The following COL12A1 variants were observed in gnomAD, a reference collection of about 807,000 sequenced individuals.
The protein encoded by COL12A1 is collagen type XII alpha 1 chain, also known as collagen alpha-1(XII) chain.
A neutral mutation model predicts 349.7 loss-of-function variants in COL12A1; 114 were observed. That is an observed-to-expected ratio of 0.33 (90% CI 0.28 to 0.38). The LOEUF (loss-of-function observed/expected upper bound fraction) is 0.38. Ranked by LOEUF, COL12A1 falls within the 10% of genes least tolerant of loss-of-function variation. The probability of loss-of-function intolerance (pLI) is 1.00; values close to 1 mark genes in which losing one functional copy is unlikely to be tolerated. For missense variants in COL12A1, 3,284 were observed against 3,756.9 expected, an observed-to-expected ratio of 0.87 and a Z score of 3.29; for synonymous variants, 1,369 against 1,329.0, an observed-to-expected ratio of 1.03 and a Z score of -0.66.
At chr6:75,165,368 T>C in intron 14 of COL12A1, 139 bp downstream of exon 14, 1 of 1,196,902 alleles carries the variant, frequency 8.4e-7, no homozygotes, top group Non-Finnish European at 1.2e-6. Flanking sequence ...TAAGCCAAAT[T>C]CTTTAAAGAT....
intron 46 of COL12A1, among the ~76,000 whole-genome samples, chr6:75,118,198 C>T (rs962985005): frequency 2.6e-5 from 4 of 151,864 alleles, no homozygotes; most frequent in Non-Finnish European, 4.4e-5. Context: ...TTAAATCTAC[C>T]AGGAGTCACA....
intron 1 of COL12A1, among the ~76,000 whole-genome samples, chr6:75,205,406 C>T (rs778708058): frequency 1.3e-5 from 2 of 151,874 alleles, no homozygotes; most frequent in South Asian, 2.1e-4. Context: ...CTGCCCTCCC[C>T]GACAAAGCCA....
chr6:75,176,343 T>C (rs567280389), intron 12 of COL12A1, among the ~76,000 whole-genome samples: 1 of 114,386 alleles, frequency 8.7e-6, no homozygotes, highest in East Asian at 2.5e-4. Flanking sequence ...AGTGATGCAG[T>C]GGGAGGAGGG....
intron 58 of COL12A1, 60 bp downstream of exon 58, chr6:75,101,540 T>C (rs188182863): frequency 6.5e-7 from 1 of 1,531,806 alleles, no homozygotes; most frequent in East Asian, 2.3e-5. Flanking sequence ...GGTTCTTAAT[T>C]AATAGGCAAC....
chr6:75,135,735 G>T (rs375348933), intron 31 of COL12A1, among the ~76,000 whole-genome samples: 1 of 152,054 alleles, frequency 6.6e-6, no homozygotes, highest in African/African-American at 2.4e-5. Context: ...AGTGAATCAC[G>T]GTCATCATCC....
At chr6:75,148,608 T>G (rs1767322199) in intron 21 of COL12A1, 111 bp from the exon 22 acceptor site, 1 of 883,824 alleles carries the variant, frequency 1.1e-6, no homozygotes. Context: ...TTTCACACAC[T>G]TCTTTTCACA....
At chr6:75,091,136 G>C (rs968946844) in intron 62 of COL12A1, among the ~76,000 whole-genome samples, 187 bp downstream of exon 62, 18 of 152,050 alleles carry the variant, frequency 1.2e-4, no homozygotes, top group Admixed American at 1.1e-3. Context: ...TTTTATCTTA[G>C]TGACAATCTT....
intron 44 of COL12A1, among the ~76,000 whole-genome samples, chr6:75,119,805 C>T (rs1174601308): frequency 6.6e-6 from 1 of 152,078 alleles, no homozygotes; most frequent in African/African-American, 2.4e-5. Context: ...GAGAACATAC[C>T]ATCTCGAATC....
intron 47 of COL12A1, 40 bp downstream of exon 47, chr6:75,117,342 G>A (rs1385338722): frequency 1.3e-6 from 2 of 1,597,236 alleles, no homozygotes; most frequent in Admixed American, 1.7e-5. Flanking sequence ...TTGTTTTTCA[G>A]AATAAGTGAG....
chr6:75,161,894 C>A (rs962875994), intron 14 of COL12A1, among the ~76,000 whole-genome samples: 1 of 152,118 alleles, frequency 6.6e-6, no homozygotes, highest in African/African-American at 2.4e-5. Context: ...AGTGAACTCC[C>A]ATTCACAATT....
intron 2 of COL12A1, among the ~76,000 whole-genome samples, chr6:75,201,840 C>T (rs1289510871): frequency 6.6e-6 from 1 of 152,018 alleles, no homozygotes; most frequent in African/African-American, 2.4e-5. Flanking sequence ...CAAAAGCCCT[C>T]CATTTTCTAG....
chr6:75,161,118 G>A (rs1263168398), intron 14 of COL12A1, among the ~76,000 whole-genome samples: 2 of 151,950 alleles, frequency 1.3e-5, no homozygotes, highest in Non-Finnish European at 2.9e-5. Flanking sequence ...CCACGTGGAC[G>A]CACCAGCTCA....
rs201139729 is a variant in COL12A1, at chr6:75,125,143, T to C, written c.6591A>G (p.Thr2197=). The part of the protein sequence containing the change: ...QYDSGLSVPL[T]DQGTTLYLNV... ...ATGACTCACATGTAGTGCCTTGATC[T>C]GTCAAGGGGACACTGAGTCCAGAAT... The change falls in exon 40 of 66, where the codon ACA becomes ACG. Residue 2197 remains threonine (T), a synonymous_variant. Transcript: ENST00000322507. 3.1e-6 allele frequency: 5 copies of C among 1,600,644 alleles called. No homozygotes were observed. The highest frequency in any genetic ancestry group is 1.7e-4 in the Middle Eastern group (1 of 6,054).
rs542676031 is a variant in COL12A1, at chr6:75,148,504, A to G, written c.4148-7T>C. 3.7e-6 allele frequency: 6 copies of G among 1,611,102 alleles called. No individual in the cohort carries two copies. The African/African-American group carries it at 5.3e-5, about 14-fold the overall frequency. On this transcript the variant is annotated splice_polypyrimidine_tract_variant and splice_region_variant and intron_variant, in intron 21 of 65. Transcript: ENST00000322507. ...GAAGGTGCTTCCAAATCACCTACAC[A>G]TGGAAATAAAGGGTATACACTTTTC...
intron 15 of COL12A1, 28 bp downstream of exon 15, chr6:75,156,229 C>G: frequency 1.2e-6 from 2 of 1,609,204 alleles, no homozygotes; most frequent in Non-Finnish European, 1.7e-6. Context: ...CCTTCTCTCC[C>G]CCTCAAAATA....
At position 75,118,072 on chromosome 6, in the gene COL12A1, T is replaced by C. The variant is rs190264132; in HGVS notation, c.7355-526A>G. Among the ~76,000 whole-genome samples the C allele has an allele frequency of 6.2e-3, 951 of 152,230 alleles. 9 individuals carry two copies. Among genetic ancestry groups the C allele is most frequent in the South Asian group, 0.061 (295 of 4,818 alleles). On this transcript the variant is annotated intron_variant, in intron 46 of 65. Transcript: ENST00000322507. Reference sequence around the variant, plus strand: ...ATTTAGGCTATGACAAATAAGCACATTTTTCACTCCGAAAGCTAAATTTGA... The same window carrying C: ...ATTTAGGCTATGACAAATAAGCACACTTTTCACTCCGAAAGCTAAATTTGA...
intron 64 of COL12A1, among the ~76,000 whole-genome samples, chr6:75,087,959 A>G (rs1767583928): frequency 6.6e-6 from 1 of 152,208 alleles, no homozygotes; most frequent in Admixed American, 6.5e-5. Flanking sequence ...TGCCAGAAGT[A>G]TTTTATTCCA....
At chr6:75,166,643 A>T (rs1034311544) in intron 13 of COL12A1, among the ~76,000 whole-genome samples, 2 of 152,206 alleles carry the variant, frequency 1.3e-5, no homozygotes, top group African/African-American at 2.4e-5. Context: ...GGTTTATGCC[A>T]CAGTATGACA....
chr6:75,152,082 C>A (rs1767521420), intron 19 of COL12A1, 49 bp downstream of exon 19: 2 of 1,613,552 alleles, frequency 1.2e-6, no homozygotes, highest in African/African-American at 2.7e-5. Context: ...CAGCCACAAA[C>A]CTTAACCAGA....
Sources: allele counts gnomAD v4.1 joint callset (sites outside exome capture counted in the v4.1 genomes callset), GRCh38; gene constraint gnomAD v4.1.1; transcripts MANE v1.5; gene names NCBI Gene and HGNC (gene_info 2026-07-23, HGNC 2026-07-21).